TRANK1: variants seen among roughly 807,000 people sequenced by gnomAD.
The protein encoded by TRANK1 is tetratricopeptide repeat and ankyrin repeat containing 1, also known as TPR and ankyrin repeat-containing protein 1.
Under a neutral mutation model 266.0 loss-of-function variants are expected in TRANK1, and 198 were observed. That is an observed-to-expected ratio of 0.74 (90% CI 0.66 to 0.84). TRANK1 has a LOEUF of 0.84. Ranked by LOEUF, TRANK1 falls within the 40% of genes least tolerant of loss-of-function variation. The pLI is 0.00. For missense variants in TRANK1, 3,326 were observed against 3,634.6 expected (o/e 0.92, Z 2.18); for synonymous variants, 1,396 against 1,384.1 (o/e 1.01, Z -0.19).
intron 3 of TRANK1, among the ~76,000 whole-genome samples, chr3:36,901,912 T>C (rs989988967): frequency 6.6e-6 from 1 of 152,202 alleles, no homozygotes; most frequent in Non-Finnish European, 1.5e-5. Context: ...ACCCAAATAT[T>C]AATACTGTCC....
chr3:36,831,317 C>A lies in TRANK1; in HGVS notation c.8266G>T (p.Ala2756Ser). 1 of 1,613,566 alleles carries A rather than the reference C, an allele frequency of 6.2e-7. No individual in the cohort carries two copies. The highest frequency in any genetic ancestry group is 1.3e-5 in the African/African-American group (1 of 75,032). The change falls in exon 22 of 24, where the codon GCT (alanine) becomes TCT (serine). Residue 2756 changes from alanine (A) to serine (S), a missense_variant. Transcript: ENST00000645898. This position sits in a 1 kb window ranked among gnomAD's most constrained non-coding sequence, Gnocchi z 5.0. ...RVREEAREPR[A>S]GNFKKADVDR... is the part of the protein sequence containing the mutation. ...ACGTCTGCCTTTTTGAAGTTCCCAG[C>A]CCTGGGCTCCCTGGCCTCCTCCCTG...
At position 36,833,323 on chromosome 3, in the gene TRANK1, C is replaced by T; in HGVS notation, c.6260G>A (p.Gly2087Asp). ...PEKILGLAPG[G>D]LEILLSLVRA... ...GACCAGACTGAGGAGGATTTCCAAG[C>T]CCCCTGGAGCCAGGCCCAGAATCTT... is the stretch of plus-strand genomic sequence containing the variant. Residue 2087 changes from glycine (G) to aspartate (D), a missense_variant, in exon 22 of 24, where the codon GGC (glycine) becomes GAC (aspartate). Coordinates refer to ENST00000645898, the MANE Select transcript of TRANK1 (RefSeq NM_001329998.2). The T allele has an allele frequency of 1.2e-6, 2 of 1,613,976 alleles. No homozygotes were observed. Among genetic ancestry groups the T allele is most frequent in the Non-Finnish European group, 1.7e-6 (2 of 1,179,870 alleles).
rs565063218 is a variant in TRANK1 at position 36,889,357 on chromosome 3, G to A, written c.907+472C>T. ...CAGAAGAACCAGCTTTTCCTTGCAT[G>A]TGCAAGCCTCACTCGCTCATGTGCC... On this transcript the variant is annotated intron_variant, in intron 8 of 23. Transcript: ENST00000645898. 2.0e-5 allele frequency among the ~76,000 whole-genome samples: 3 copies of A among 152,302 alleles called. No individual in the cohort carries two copies. In the East Asian group the frequency reaches 5.8e-4, roughly 29 times the overall value.
intron 15 of TRANK1, among the ~76,000 whole-genome samples, chr3:36,849,113 G>T (rs1419951669): frequency 6.6e-6 from 1 of 152,136 alleles, no homozygotes; most frequent in Non-Finnish European, 1.5e-5. Flanking sequence ...ACTATCAATT[G>T]TGAAGGAAAA....
intron 1 of TRANK1, among the ~76,000 whole-genome samples, chr3:36,914,560 C>T (rs910136355): frequency 2.0e-5 from 3 of 151,530 alleles, no homozygotes; most frequent in African/African-American, 7.3e-5. Context: ...CATGCAACCA[C>T]AACCACAGTC....
At chr3:36,834,033 A>G (rs1575177931) in intron 21 of TRANK1, 114 bp from the exon 22 acceptor site, 1 of 1,060,026 alleles carries the variant, frequency 9.4e-7, no homozygotes, top group Middle Eastern at 2.1e-4. Context: ...AGATATTACA[A>G]AATAAAACCT....
At chr3:36,847,439 G>A (rs1045790063) in intron 15 of TRANK1, 93 bp from the exon 16 acceptor site, 94 of 1,395,798 alleles carry the variant, frequency 6.7e-5, no homozygotes, top group South Asian at 3.5e-4. Context: ...AAGCCTCATC[G>A]GGGGACCAGG....
rs1400622216 is a variant in TRANK1 at position 36,858,885 on chromosome 3, TC to T, written c.1504del (p.Asp502MetfsTer15). 1.3e-6 allele frequency: 2 copies of T among 1,535,470 alleles called. No homozygotes were observed. On this transcript the variant is annotated frameshift_variant, in exon 12 of 24. Coordinates refer to ENST00000645898, the MANE Select transcript of TRANK1 (RefSeq NM_001329998.2). LOFTEE classifies it high-confidence loss of function. Reference protein sequence around the residue: ...GCLIDSGALPDGLQESQERPV... With the variant: ...GCLIDSGALPXGLQESQERPV... Reference sequence around the variant, plus strand: ...CCTCTCCTGGCTCTCCTGAAGACCATCAGGCAAGGCTGGGAGAGGAGAGAAG... The same window carrying T: ...CCTCTCCTGGCTCTCCTGAAGACCATAGGCAAGGCTGGGAGAGGAGAGAAG...
chr3:36,908,198 A>G (rs1400460047), intron 2 of TRANK1, 125 bp downstream of exon 2: 7 of 1,086,774 alleles, frequency 6.4e-6, no homozygotes, highest in Non-Finnish European at 8.2e-6. Flanking sequence ...CAGAGAAGAT[A>G]AATAGGAAGT....
At chr3:36,903,717 C>G (rs1023647277) in intron 2 of TRANK1, among the ~76,000 whole-genome samples, 5 of 152,234 alleles carry the variant, frequency 3.3e-5, no homozygotes, top group Admixed American at 3.3e-4. Context: ...GGCCCTGGCC[C>G]CACAGACTCC....
intron 11 of TRANK1, among the ~76,000 whole-genome samples, chr3:36,860,404 G>A (rs939908899): frequency 1.3e-5 from 2 of 152,176 alleles, no homozygotes; most frequent in Non-Finnish European, 2.9e-5. Flanking sequence ...CACACACCCA[G>A]CCACGCATGA....
In TRANK1 at chr3:36,895,724, G is replaced by C; in HGVS notation, c.468C>G (p.Cys156Trp). ...ATCCAGTTGTGAAAATATGATCAAA[G>C]CAAGGCAAGAAACTTTGCAAAACAA... ...DSIVLQSFLP[C>W]FDHIFTTGFP... Residue 156 changes from cysteine (C) to tryptophan (W), a missense_variant, in exon 5 of 24, where the codon TGC (cysteine) becomes TGG (tryptophan). By Grantham distance (215) the Cys-to-Trp change is radical. Coordinates refer to ENST00000645898, the MANE Select transcript of TRANK1 (RefSeq NM_001329998.2). 6.5e-7 allele frequency: 1 copy of C among 1,535,384 alleles called. No homozygotes were observed. The highest frequency in any genetic ancestry group is 8.7e-7 in the Non-Finnish European group (1 of 1,146,338).
intron 23 of TRANK1, 24 bp downstream of exon 23, chr3:36,829,540 G>T: frequency 6.2e-7 from 1 of 1,612,452 alleles, no homozygotes; most frequent in Non-Finnish European, 8.5e-7. Flanking sequence ...AGTGTTACCT[G>T]TCCCCACAAT....
rs1039391760 is a variant in TRANK1, at chr3:36,831,858, C to G, written c.7725G>C (p.Glu2575Asp). 8 of 1,613,904 alleles carry G rather than the reference C, an allele frequency of 5.0e-6. No homozygotes were observed. Among genetic ancestry groups the G allele is most frequent in the Non-Finnish European group, 6.8e-6 (8 of 1,179,920 alleles). The change falls in exon 22 of 24, where the codon GAG becomes GAC. Residue 2575 changes from glutamate (E) to aspartate (D), a missense_variant. Coordinates refer to ENST00000645898, the MANE Select transcript of TRANK1 (RefSeq NM_001329998.2). This position sits in a 1 kb window ranked among gnomAD's most constrained non-coding sequence, Gnocchi z 5.0. ...LCLVMLVNAE[E>D]ILQPYCKPLL... is the part of the protein sequence containing the mutation. ...GAGGCTTGCAGTATGGCTGCAGGAT[C>G]TCCTCAGCATTCACTAGCATCACCA...
chr3:36,861,550 C>T (rs1342642680), intron 10 of TRANK1, among the ~76,000 whole-genome samples: 1 of 152,070 alleles, frequency 6.6e-6, no homozygotes, highest in Non-Finnish European at 1.5e-5. Flanking sequence ...ATTAAAACGT[C>T]AAGAGCCATA....
At position 36,833,460 on chromosome 3, in the gene TRANK1, T is replaced by G. The variant is rs2078725745; in HGVS notation, c.6123A>C (p.Arg2041Ser). The part of the protein sequence containing the change: ...EAHFLQGVIL[R>S]DFQKLRDAFF... ...AGGCATCCCTGAGCTTCTGAAAGTC[T>G]CTCAGGATTACCCCTTGCAGGAAGT... Residue 2041 changes from arginine to serine, a missense_variant, in exon 22 of 24, where the codon AGA (arginine) becomes AGC (serine). Coordinates refer to ENST00000645898, the MANE Select transcript of TRANK1 (RefSeq NM_001329998.2). 6.2e-7 allele frequency: 1 copy of G among 1,613,782 alleles called. No homozygotes were observed. The highest frequency in any genetic ancestry group is 1.3e-5 in the African/African-American group (1 of 74,930).
At chr3:36,897,686 A>G (rs1281061112) in intron 4 of TRANK1, among the ~76,000 whole-genome samples, 2 of 152,252 alleles carry the variant, frequency 1.3e-5, no homozygotes, top group Admixed American at 6.5e-5. Context: ...GCCATTTTTC[A>G]TATTCTAACA....
intron 6 of TRANK1, 147 bp downstream of exon 6, chr3:36,892,754 C>G (rs1437812719): frequency 3.9e-6 from 1 of 258,512 alleles, no homozygotes; most frequent in Non-Finnish European, 6.9e-6. Flanking sequence ...TTGCTTCAAC[C>G]CAGGAGGAGG....
chr3:36,849,553 G>A (rs2078960071), intron 15 of TRANK1, among the ~76,000 whole-genome samples: 1 of 152,272 alleles, frequency 6.6e-6, no homozygotes, highest in Admixed American at 6.5e-5. Context: ...GACAGAGCTT[G>A]CCTGAAATAT....
Sources: gnomAD v4.1 joint callset for allele counts (sites outside exome capture counted in the v4.1 genomes callset) on GRCh38, gnomAD v4.1.1 for gene constraint, Gnocchi (gnomAD v3.1) non-coding constraint, MANE v1.5 for transcripts, NCBI Gene and HGNC (gene_info 2026-07-23, HGNC 2026-07-21) for gene names.